Variants in ASB5 observed in about 807,000 individuals in gnomAD.
The protein encoded by ASB5 is ankyrin repeat and SOCS box protein 5.
Under a neutral mutation model 42.1 loss-of-function variants are expected in ASB5, and 45 were observed. The observed-to-expected ratio is 1.07, with a 90% CI of 0.84 to 1.37. The LOEUF is 1.37. ASB5 is among the 40% of genes most tolerant of loss of function. The probability of loss-of-function intolerance (pLI) is 0.00; values close to 1 mark genes in which losing one functional copy is unlikely to be tolerated. For synonymous variants in ASB5, 147 were observed against 150.6 expected (o/e 0.98, Z 0.18); for missense variants, 402 against 399.8 (o/e 1.01, Z -0.05).
In ASB5 at chr4:176,225,108, A is replaced by T. The variant is rs149809961; in HGVS notation, c.276+154T>A. 5.9e-4 allele frequency among the ~76,000 whole-genome samples: 90 copies of T among 152,356 alleles called. No individual in the cohort carries two copies. The East Asian group carries it at 0.017, about 29-fold the overall frequency. On this transcript the variant is annotated intron_variant, in intron 2 of 6. Coordinates refer to ENST00000296525, the MANE Select transcript of ASB5 (RefSeq NM_080874.4). The stretch of plus-strand genomic sequence containing the variant: ...AATATTTATAAAAGAAGTTTCAAAG[A>T]TAAGTGAGAAACTATTGACTTCTCT...
rs540894658 is a variant in ASB5, at chr4:176,241,672, T to C, written c.197-16331A>G. 31 of 1,351,558 alleles carry C rather than the reference T, an allele frequency of 2.3e-5. No homozygotes were observed. In the Admixed American group the frequency reaches 3.2e-4, roughly 14 times the overall value. 83.7% of individuals were successfully genotyped at this position (1,351,558 alleles called of 1,614,324 possible). A position where few individuals can be genotyped will look rare whatever the true frequency, so the allele number is the denominator to read the frequency against. On this transcript the variant is annotated intron_variant, in intron 1 of 6. Coordinates refer to ENST00000296525, the MANE Select transcript of ASB5 (RefSeq NM_080874.4). Reference sequence around the variant, plus strand: ...CCTAAATCTGTTGGCCTAGTGATAGTGAGTGAGGGCAGATGAGGTCTGAGA... The same window carrying C: ...CCTAAATCTGTTGGCCTAGTGATAGCGAGTGAGGGCAGATGAGGTCTGAGA...
In ASB5 at chr4:176,222,358, T is replaced by G; in HGVS notation, c.339A>C (p.Gly113=). ...GAGTTCTGGCACATGCCACGTGATC[T>G]CCAAGGCAGGCTTCGTGCAATGGGG... ...HVTPLHEACL[G]DHVACARTLL... Residue 113 remains glycine (G), a synonymous_variant, in exon 3 of 7, where the codon GGA becomes GGC. Coordinates refer to ENST00000296525, the MANE Select transcript of ASB5 (RefSeq NM_080874.4). 2 of 1,614,062 alleles carry G rather than the reference T, an allele frequency of 1.2e-6. No homozygotes were observed. The highest frequency in any genetic ancestry group is 1.7e-6 in the Non-Finnish European group (2 of 1,179,966).
intron 6 of ASB5, among the ~76,000 whole-genome samples, 192 bp from the exon 7 acceptor site, chr4:176,215,919 A>T (rs1752955246): frequency 1.3e-5 from 2 of 152,144 alleles, no homozygotes; most frequent in African/African-American, 2.4e-5. Flanking sequence ...TAATTGAGAT[A>T]TATTCCATAT....
At chr4:176,224,983 C>G (rs983750048) in intron 2 of ASB5, among the ~76,000 whole-genome samples, 3 of 152,214 alleles carry the variant, frequency 2.0e-5, no homozygotes, top group African/African-American at 7.2e-5. Context: ...AAAGCTCAAT[C>G]AATAACACAT....
intron 1 of ASB5, among the ~76,000 whole-genome samples, chr4:176,246,715 A>C (rs1307984343): frequency 2.0e-5 from 3 of 152,248 alleles, no homozygotes; most frequent in Admixed American, 2.0e-4. Flanking sequence ...CTACAAAAAC[A>C]AAACAGAAAA....
chr4:176,234,449 T>A (rs148085795), intron 1 of ASB5, among the ~76,000 whole-genome samples: 1,638 of 152,306 alleles, frequency 0.011, 31 homozygotes, highest in African/African-American at 0.037. Context: ...CAGAGAGGCC[T>A]TCTTGACAAC....
intron 1 of ASB5, among the ~76,000 whole-genome samples, chr4:176,252,343 C>T (rs1304254711): frequency 1.3e-5 from 2 of 152,180 alleles, no homozygotes; most frequent in Non-Finnish European, 2.9e-5. Context: ...CATGCACCCG[C>T]AACATTCAGC....
chr4:176,251,225 T>C (rs985617574), intron 1 of ASB5, among the ~76,000 whole-genome samples: 1 of 148,816 alleles, frequency 6.7e-6, no homozygotes, highest in African/African-American at 2.5e-5. Context: ...TTTATGTTGA[T>C]ACTTTTAATG....
rs146804798 is a variant in ASB5, at chr4:176,268,956, C to A, written c.153G>T (p.Ala51=). ...FYIVKGNRKE[A]ARIAAEFYGV... Reference sequence around the variant, plus strand: ...CATAAAATTCAGCTGCTATCCTTGCCGCTTCCTTGCGGTTGCCTTTCACTA... The same window carrying A: ...CATAAAATTCAGCTGCTATCCTTGCAGCTTCCTTGCGGTTGCCTTTCACTA... Residue 51 remains alanine (A), a synonymous_variant, in exon 1 of 7, where the codon GCG becomes GCT. Transcript: ENST00000296525. 2.5e-6 allele frequency: 4 copies of A among 1,612,668 alleles called. No individual in the cohort carries two copies. In the African/African-American group the frequency reaches 5.3e-5, roughly 22 times the overall value.
At chr4:176,258,967 G>A (rs1025860293) in intron 1 of ASB5, among the ~76,000 whole-genome samples, 1 of 152,014 alleles carries the variant, frequency 6.6e-6, no homozygotes, top group Non-Finnish European at 1.5e-5. Context: ...GTTCAGTAAA[G>A]GTTTTTTTTC....
chr4:176,265,131 T>G (rs1754332237), intron 1 of ASB5, among the ~76,000 whole-genome samples: 1 of 152,166 alleles, frequency 6.6e-6, no homozygotes, highest in African/African-American at 2.4e-5. Flanking sequence ...CCTACTGCCT[T>G]CAAAGTTAAG....
At chr4:176,263,449 T>C (rs1207145490) in intron 1 of ASB5, among the ~76,000 whole-genome samples, 1 of 152,136 alleles carries the variant, frequency 6.6e-6, no homozygotes, top group East Asian at 1.9e-4. Context: ...TCCACAAAAG[T>C]GTTTAGGCAT....
At chr4:176,221,088 T>A in intron 5 of ASB5, 67 bp downstream of exon 5, 1 of 1,443,940 alleles carries the variant, frequency 6.9e-7, no homozygotes, top group Non-Finnish European at 9.2e-7. Context: ...TTAAAGATGC[T>A]CATTTAGAGA....
In ASB5 at chr4:176,252,341, C is replaced by T. The variant is rs77428738; in HGVS notation, c.196+16572G>A. ...AACACTTATTCAGTGCACATGCACC[C>T]GCAACATTCAGCTAGGGACAGTTAG... On this transcript the variant is annotated intron_variant, in intron 1 of 6. Coordinates refer to ENST00000296525, the MANE Select transcript of ASB5 (RefSeq NM_080874.4). Among the ~76,000 whole-genome samples the T allele has an allele frequency of 2.4e-4, 37 of 152,264 alleles. No individual in the cohort carries two copies. In the East Asian group the frequency reaches 5.2e-3, roughly 21 times the overall value.
intron 1 of ASB5, among the ~76,000 whole-genome samples, chr4:176,231,744 T>C (rs1336922778): frequency 1.3e-5 from 2 of 151,280 alleles, no homozygotes; most frequent in Non-Finnish European, 2.9e-5. Flanking sequence ...ACTAGGGAAG[T>C]CCTGAGATGA....
intron 5 of ASB5, 108 bp from the exon 6 acceptor site, chr4:176,217,117 G>T: frequency 1.2e-6 from 1 of 840,312 alleles, no homozygotes; most frequent in Non-Finnish European, 1.9e-6. Flanking sequence ...TTATTAAGGG[G>T]ACTTCAACTC....
At chr4:176,220,508 A>T (rs17626926) in intron 5 of ASB5, among the ~76,000 whole-genome samples, 2 of 152,108 alleles carry the variant, frequency 1.3e-5, no homozygotes, top group African/African-American at 4.8e-5. Context: ...GGGATGGGAA[A>T]AAAAGGTATG....
chr4:176,221,878 A>T (rs1410917968), intron 3 of ASB5, among the ~76,000 whole-genome samples: 2 of 152,174 alleles, frequency 1.3e-5, no homozygotes, highest in African/African-American at 4.8e-5. Flanking sequence ...TAATTCAATG[A>T]TTAGATACTT....
intron 2 of ASB5, among the ~76,000 whole-genome samples, chr4:176,274,667 TG>T (rs1754533506): frequency 6.6e-6 from 1 of 152,170 alleles, no homozygotes; most frequent in South Asian, 2.1e-4. Flanking sequence ...GTGCCCTGTG[TG>T]GGTTATAAAT....
Sources: allele counts gnomAD v4.1 joint callset (sites outside exome capture counted in the v4.1 genomes callset), GRCh38; gene constraint gnomAD v4.1.1; transcripts MANE v1.5; gene names NCBI Gene and HGNC (gene_info 2026-07-23, HGNC 2026-07-21).